Variants in CTSB observed in about 807,000 individuals in gnomAD.
CTSB encodes the protein APP secretase.
In CTSB, 57 loss-of-function variants were observed where a neutral mutation model predicts 44.3. That is an observed-to-expected ratio of 1.29 (90% CI 1.04 to 1.60). The LOEUF (loss-of-function observed/expected upper bound fraction) is 1.60. CTSB is among the 40% of genes most tolerant of loss of function. The probability of loss-of-function intolerance (pLI) is 0.00; values close to 1 mark genes in which losing one functional copy is unlikely to be tolerated. For missense variants in CTSB, 768 were observed against 443.0 expected (o/e 1.73, Z -6.59); for synonymous variants, 320 against 168.0 (o/e 1.91, Z -7.00).
At position 11,853,498 on chromosome 8, in the gene CTSB, A is replaced by G. The variant is rs1586147102; in HGVS notation, c.-25-19T>C. ...GATCCACCTGGAGAGGACAGAGGGC[A>G]TCAGGACACCTCTCTGTTATGTGGG... is the stretch of plus-strand genomic sequence containing the variant. On this transcript the variant is annotated intron_variant, in intron 1 of 9. Coordinates refer to ENST00000353047, the MANE Select transcript of CTSB (RefSeq NM_001908.5). 6.3e-7 allele frequency: 1 copy of G among 1,599,630 alleles called. No individual in the cohort carries two copies. The highest frequency in any genetic ancestry group is 1.1e-5 in the South Asian group (1 of 90,056).
intron 5 of CTSB, chr8:11,848,363 C>A (rs745772348): frequency 3.2e-4 from 218 of 671,644 alleles, no homozygotes; most frequent in Non-Finnish European, 5.3e-4. Flanking sequence ...CCACCCCTGC[C>A]CACAAAGATC....
At chr8:11,848,020 C>T in intron 6 of CTSB, 47 bp downstream of exon 6, 3 of 1,492,550 alleles carry the variant, frequency 2.0e-6, no homozygotes, top group African/African-American at 1.4e-5. Context: ...TGGTTAATTG[C>T]TCAAACAATC....
At chr8:11,855,324 G>T (rs750391359) in intron 1 of CTSB, among the ~76,000 whole-genome samples, 1 of 152,058 alleles carries the variant, frequency 6.6e-6, no homozygotes, top group African/African-American at 2.4e-5. Flanking sequence ...CAGGCCCACA[G>T]ATCTTAATTT....
At chr8:11,859,805 T>C (rs1184162687) in intron 1 of CTSB, among the ~76,000 whole-genome samples, 3 of 120,896 alleles carry the variant, frequency 2.5e-5, no homozygotes, top group African/African-American at 9.5e-5. Context: ...CCGGACACAA[T>C]GGCTCACGCA....
In CTSB at chr8:11,850,899, C is replaced by G. The variant is rs761764219; in HGVS notation, c.294G>C (p.Glu98Asp). Residue 98 changes from glutamate to aspartate, a missense_variant, in exon 4 of 10, where the codon GAG (glutamate) becomes GAC (aspartate). By Grantham distance (45) the Glu-to-Asp change is conservative. Coordinates refer to ENST00000353047, the MANE Select transcript of CTSB (RefSeq NM_001908.5). ...EQWPQCPTIKEIRDQGSCGSC... is the reference protein window; with the variant it reads ...EQWPQCPTIKDIRDQGSCGSC... Reference sequence around the variant, plus strand: ...AGCCACAGGAGCCCTGGTCTCTGATCTCTTTGATGGTGGGACACTGTGGCC... The same window carrying G: ...AGCCACAGGAGCCCTGGTCTCTGATGTCTTTGATGGTGGGACACTGTGGCC... 8 of 1,613,560 alleles carry G rather than the reference C, an allele frequency of 5.0e-6. No individual in the cohort carries two copies. Among genetic ancestry groups the G allele is most frequent in the African/African-American group, 1.3e-5 (1 of 75,052 alleles).
chr8:11,851,362 G>C (rs1215912154), intron 3 of CTSB, among the ~76,000 whole-genome samples: 4 of 151,412 alleles, frequency 2.6e-5, no homozygotes, highest in Non-Finnish European at 4.4e-5. Context: ...GCTAATTTTT[G>C]TATTTTTAGT....
At chr8:11,859,818 T>C (rs534750514) in intron 1 of CTSB, among the ~76,000 whole-genome samples, 4 of 137,034 alleles carry the variant, frequency 2.9e-5, no homozygotes, top group Non-Finnish European at 4.6e-5. Flanking sequence ...CTCACGCATG[T>C]AATCCCAGCA....
chr8:11,859,446 G>C (rs192520673), intron 1 of CTSB, among the ~76,000 whole-genome samples: 132 of 152,164 alleles, frequency 8.7e-4, no homozygotes, highest in African/African-American at 3.1e-3. Flanking sequence ...ATCAGTTTTG[G>C]GCTGCCACCA....
chr8:11,861,668 TTC>T (rs1365837440), intron 1 of CTSB, among the ~76,000 whole-genome samples: 1 of 152,252 alleles, frequency 6.6e-6, no homozygotes, highest in Non-Finnish European at 1.5e-5. Flanking sequence ...TACTCCCCAT[TTC>T]TGTTACTGAC....
rs983614019 is a variant in CTSB, at chr8:11,844,036, C to A, written c.*1089G>T. Reference sequence around the variant, plus strand: ...AGACGGAATCTCACTCTGTCAGTCACAACAACAACAAAAAAATAGAGCACA... The same window carrying A: ...AGACGGAATCTCACTCTGTCAGTCAAAACAACAACAAAAAAATAGAGCACA... On this transcript the variant is annotated 3_prime_UTR_variant, in exon 10 of 10. Coordinates refer to ENST00000353047, the MANE Select transcript of CTSB (RefSeq NM_001908.5). 1 of 152,090 alleles carries A rather than the reference C, an allele frequency of 6.6e-6. No individual in the cohort carries two copies. Among genetic ancestry groups the A allele is most frequent in the South Asian group, 2.1e-4 (1 of 4,822 alleles). The allele number at this position is 152,090 out of a possible 1,614,324, so 9.4% of individuals were successfully genotyped here.
intron 1 of CTSB, among the ~76,000 whole-genome samples, chr8:11,859,387 G>A (rs536183148): frequency 3.5e-4 from 54 of 152,202 alleles, no homozygotes; most frequent in African/African-American, 1.3e-3. Context: ...CAAAGGAGAG[G>A]AGGTGCGGCT....
At position 11,848,056 on chromosome 8, in the gene CTSB, G is replaced by A. The variant is rs377686658; in HGVS notation, c.532+11C>T. On this transcript the variant is annotated intron_variant, in intron 6 of 9. Coordinates refer to ENST00000353047, the MANE Select transcript of CTSB (RefSeq NM_001908.5). ...CATCTGGCCAGAAAGTGGCCAAGGG[G>A]ACACACTTACCTACATGGGATTCAT... 9 of 1,601,242 alleles carry A rather than the reference G, an allele frequency of 5.6e-6. No individual in the cohort carries two copies. In the Admixed American group the frequency reaches 6.8e-5, roughly 12 times the overall value.
At chr8:11,866,928 C>T (rs1264908965) in intron 1 of CTSB, among the ~76,000 whole-genome samples, 1 of 152,200 alleles carries the variant, frequency 6.6e-6, no homozygotes, top group Non-Finnish European at 1.5e-5. Flanking sequence ...CTATCCTCTC[C>T]TCCGGCAGCA....
At chr8:11,855,999 G>A (rs1328804394) in intron 1 of CTSB, among the ~76,000 whole-genome samples, 1 of 152,074 alleles carries the variant, frequency 6.6e-6, no homozygotes, top group Non-Finnish European at 1.5e-5. Flanking sequence ...CTGCATTCCT[G>A]CCTGGGTGAC....
chr8:11,862,355 G>A (rs1394474319), intron 1 of CTSB: 2 of 152,198 alleles, frequency 1.3e-5, no homozygotes, highest in East Asian at 3.9e-4. Context: ...CCTGCACCAG[G>A]CTCAGAGCAG....
intron 1 of CTSB, among the ~76,000 whole-genome samples, chr8:11,866,308 G>A (rs1163862099): frequency 2.6e-5 from 4 of 152,196 alleles, no homozygotes; most frequent in South Asian, 2.1e-4. Context: ...ACCCCTCACC[G>A]CCTAACCAGT....
chr8:11,843,202 C>A lies in CTSB; in HGVS notation c.*1923G>T. ...GACCTTGTCATCCTCCCACCTTGGCCTCCCAAAGTGCTGGGATTACAGGCG... is the reference window on the plus strand; with the variant it reads ...GACCTTGTCATCCTCCCACCTTGGCATCCCAAAGTGCTGGGATTACAGGCG... On this transcript the variant is annotated 3_prime_UTR_variant, in exon 10 of 10. Transcript: ENST00000353047. 6.6e-6 allele frequency: 1 copy of A among 152,380 alleles called. No individual in the cohort carries two copies. Among genetic ancestry groups the A allele is most frequent in the Non-Finnish European group, 1.5e-5 (1 of 68,110 alleles). The allele number at this position is 152,380 out of a possible 1,614,324, so 9.4% of individuals were successfully genotyped here.
At chr8:11,852,541 C>T in intron 3 of CTSB, 69 bp downstream of exon 3, 1 of 1,331,066 alleles carries the variant, frequency 7.5e-7, no homozygotes, top group East Asian at 2.4e-5. Context: ...CTTCACTCTC[C>T]CACTTCCCAC....
In CTSB at chr8:11,845,316, G is replaced by C; in HGVS notation, c.923-94C>G. The C allele has an allele frequency of 3.1e-6, 3 of 954,866 alleles. No homozygotes were observed. The South Asian group carries it at 4.3e-5, about 14-fold the overall frequency. The allele number at this position is 954,866 out of a possible 1,614,324, so 59.1% of individuals were successfully genotyped here. ...AAAAGACCTTAAGTCACTCATCCCT[G>C]GCCACTCCTGCTGTTGGCCCACTAG... On this transcript the variant is annotated intron_variant, in intron 9 of 9. Transcript: ENST00000353047.
Sources: allele counts gnomAD v4.1 joint callset (sites outside exome capture counted in the v4.1 genomes callset), GRCh38; gene constraint gnomAD v4.1.1; transcripts MANE v1.5; gene names NCBI Gene and HGNC (gene_info 2026-07-23, HGNC 2026-07-21).